Variants in LRP1B observed in about 807,000 individuals in gnomAD.
LRP1B encodes LDL receptor related protein 1B.
LRP1B carries 217 observed loss-of-function variants against 556.6 expected under a neutral mutation model. The observed-to-expected ratio is 0.39, with a 90% CI of 0.35 to 0.44. LRP1B has a LOEUF of 0.44. LRP1B is among the 20% of genes least tolerant of loss of function. LRP1B has a pLI of 1.00. For synonymous variants in LRP1B, 2,047 were observed against 1,865.8 expected (o/e 1.10, Z -2.50); for missense variants, 5,053 against 5,620.8 (o/e 0.90, Z 3.23).
chr2:141,839,347 G>A (rs1697389457), intron 1 of LRP1B, among the ~76,000 whole-genome samples: 1 of 152,150 alleles, frequency 6.6e-6, no homozygotes, highest in Non-Finnish European at 1.5e-5. Context: ...CCCAACACAT[G>A]CATCTTACTT....
In LRP1B at chr2:141,810,373, A is replaced by G; in HGVS notation, c.111T>C (p.Phe37=). Residue 37 remains phenylalanine (F), a synonymous_variant, in exon 2 of 91, where the codon TTT becomes TTC. Transcript: ENST00000389484. ...RDQQLCDPGE[F]LCHDHVTCVS... ...CACAAGTCACGTGATCGTGGCAAAG[A>G]AATTCACCAGGATCACACAACTGCT... The G allele has an allele frequency of 6.2e-7, 1 of 1,613,080 alleles. No homozygotes were observed. Among genetic ancestry groups the G allele is most frequent in the Non-Finnish European group, 8.5e-7 (1 of 1,179,388 alleles).
rs553341494 is a variant in LRP1B, at chr2:141,694,071, T to G, written c.205+116208A>C. Among the ~76,000 whole-genome samples, 258 of 152,148 alleles carry G rather than the reference T, an allele frequency of 1.7e-3. 1 individual carries two copies. The highest frequency in any genetic ancestry group is 3.3e-3 in the Admixed American group (51 of 15,254). ...TTGAGTGTAGCACAAGATCGCGGAA[T>G]GTAAATTCCTAAGCTAAGTGGTCCA... is the stretch of plus-strand genomic sequence containing the variant. On this transcript the variant is annotated intron_variant, in intron 2 of 90. Transcript: ENST00000389484.
At chr2:141,746,881 T>C (rs1019734530) in intron 2 of LRP1B, among the ~76,000 whole-genome samples, 1 of 152,162 alleles carries the variant, frequency 6.6e-6, no homozygotes, top group African/African-American at 2.4e-5. Flanking sequence ...CTAAAATACA[T>C]ATAGATGCAA....
chr2:141,398,191 T>C (rs1443895484), intron 3 of LRP1B, among the ~76,000 whole-genome samples: 2 of 152,094 alleles, frequency 1.3e-5, no homozygotes, highest in Non-Finnish European at 2.9e-5. Context: ...AATGACTTCT[T>C]AGAGGGATAA....
chr2:140,296,919 T>TA (rs1312572997), intron 84 of LRP1B, among the ~76,000 whole-genome samples: 4 of 152,050 alleles, frequency 2.6e-5, no homozygotes, highest in Non-Finnish European at 4.4e-5. Context: ...ATGCTTCTGT[T>TA]AAAAAAGAGG....
chr2:141,315,408 T>C (rs1323153965), intron 3 of LRP1B, among the ~76,000 whole-genome samples: 1 of 151,352 alleles, frequency 6.6e-6, no homozygotes, highest in Admixed American at 6.6e-5. Flanking sequence ...TACAAACGCC[T>C]GCCACCATGC....
chr2:141,223,787 A>G lies in LRP1B; in HGVS notation c.850+5396T>C, dbSNP rs541238787. The stretch of plus-strand genomic sequence containing the variant: ...GACAGAAACAAGCAATGGGGAAATG[A>G]TTCCCTATTTAATAAATGGTGCTGG... On this transcript the variant is annotated intron_variant, in intron 6 of 90. Coordinates refer to ENST00000389484, the MANE Select transcript of LRP1B (RefSeq NM_018557.3). 4.0e-4 allele frequency among the ~76,000 whole-genome samples: 61 copies of G among 152,334 alleles called. 1 individual carries two copies. Among genetic ancestry groups the G allele is most frequent in the Non-Finnish European group, 6.2e-4 (42 of 68,026 alleles).
intron 31 of LRP1B, among the ~76,000 whole-genome samples, chr2:140,818,564 G>A (rs1468237145): frequency 6.6e-6 from 1 of 152,154 alleles, no homozygotes; most frequent in Non-Finnish European, 1.5e-5. Context: ...GTTATTACAT[G>A]GAGAAGGATT....
intron 2 of LRP1B, among the ~76,000 whole-genome samples, chr2:141,510,520 T>C (rs1029807929): frequency 3.3e-5 from 5 of 152,058 alleles, no homozygotes; most frequent in African/African-American, 1.2e-4. Flanking sequence ...AGCAGGTGTG[T>C]TGGGTAGGTA....
At chr2:140,568,082 T>C (rs1410074599) in intron 43 of LRP1B, among the ~76,000 whole-genome samples, 1 of 150,008 alleles carries the variant, frequency 6.7e-6, no homozygotes, top group Non-Finnish European at 1.5e-5. Context: ...AAGAAGGAAA[T>C]ATGACACTAC....
At chr2:141,029,413 A>G (rs746605100) in intron 11 of LRP1B, among the ~76,000 whole-genome samples, 2 of 152,026 alleles carry the variant, frequency 1.3e-5, no homozygotes, top group Non-Finnish European at 2.9e-5. Context: ...AGTTTGCCAG[A>G]TTGTAAGGCT....
intron 32 of LRP1B, among the ~76,000 whole-genome samples, chr2:140,808,678 C>T (rs1423958505): frequency 6.6e-6 from 1 of 152,096 alleles, no homozygotes; most frequent in African/African-American, 2.4e-5. Context: ...CAGCAGCTGG[C>T]ACATAGTGAG....
At chr2:141,100,586 G>A (rs1700436123) in intron 7 of LRP1B, among the ~76,000 whole-genome samples, 1 of 152,138 alleles carries the variant, frequency 6.6e-6, no homozygotes, top group Non-Finnish European at 1.5e-5. Context: ...AAAGACAAGT[G>A]AGGTAGAGAT....
At chr2:141,906,293 G>C (rs1200946455) in intron 1 of LRP1B, among the ~76,000 whole-genome samples, 1 of 151,676 alleles carries the variant, frequency 6.6e-6, no homozygotes, top group Non-Finnish European at 1.5e-5. Context: ...GCATGATATA[G>C]ACACGACACA....
At chr2:141,247,082 A>G in intron 5 of LRP1B, 144 bp downstream of exon 5, 2 of 829,636 alleles carry the variant, frequency 2.4e-6, no homozygotes, top group Non-Finnish European at 3.7e-6. Flanking sequence ...CTGGATTCCT[A>G]ACTATAGAGA....
rs148865109 is a variant in LRP1B, at chr2:141,619,803, T to C, written c.206-139270A>G. Among the ~76,000 whole-genome samples, 415 of 152,266 alleles carry C rather than the reference T, an allele frequency of 2.7e-3. 3 individuals are homozygous for C. The highest frequency in any genetic ancestry group is 9.3e-3 in the African/African-American group (388 of 41,554). On this transcript the variant is annotated intron_variant, in intron 2 of 90. Transcript: ENST00000389484. Reference sequence around the variant, plus strand: ...AACACAGAGGTACAGCTTTTATTTATCTCTTAAGGAAGCAATACCTTCTGA... The same window carrying C: ...AACACAGAGGTACAGCTTTTATTTACCTCTTAAGGAAGCAATACCTTCTGA...
At chr2:140,408,543 G>T (rs1370535576) in intron 66 of LRP1B, among the ~76,000 whole-genome samples, 1 of 151,784 alleles carries the variant, frequency 6.6e-6, no homozygotes, top group East Asian at 1.9e-4. Flanking sequence ...GTGCTAAAAA[G>T]AGAAATGAAG....
At chr2:140,613,364 A>AATATAAATATATATAATTATATAT (rs1683141338) in intron 41 of LRP1B, among the ~76,000 whole-genome samples, 3 of 62,630 alleles carry the variant, frequency 4.8e-5, no homozygotes, top group African/African-American at 1.2e-4. Flanking sequence ...TAATTATATA[A>AATATAAATATATATAATTATATAT]ATATAAATAT....
At chr2:141,962,569 C>T (rs1331479525) in intron 1 of LRP1B, among the ~76,000 whole-genome samples, 5 of 151,702 alleles carry the variant, frequency 3.3e-5, no homozygotes, top group Non-Finnish European at 7.4e-5. Flanking sequence ...ATGCTGGTCC[C>T]TATTTTAAGT....
Sources: allele counts gnomAD v4.1 joint callset (sites outside exome capture counted in the v4.1 genomes callset), GRCh38; gene constraint gnomAD v4.1.1; transcripts MANE v1.5; gene names NCBI Gene and HGNC (gene_info 2026-07-23, HGNC 2026-07-21).